Variants in DOCK3 observed in about 807,000 individuals in gnomAD.
The protein encoded by DOCK3 is dedicator of cytokinesis protein 3.
In DOCK3, 60 loss-of-function variants were observed where a neutral mutation model predicts 265.6. The ratio of observed to expected loss-of-function variants is 0.23; its 90% CI spans 0.18 to 0.28. The LOEUF is 0.28. DOCK3 is among the 10% of genes least tolerant of loss of function. The pLI is 1.00. For missense variants in DOCK3, 1,981 were observed against 2,594.3 expected (o/e 0.76, Z 5.14); for synonymous variants, 881 against 938.0 (o/e 0.94, Z 1.11).
chr3:51,146,685 T>C, intron 10 of DOCK3, 55 bp downstream of exon 10: 2 of 1,491,232 alleles, frequency 1.3e-6, no homozygotes, highest in South Asian at 2.4e-5. Context: ...AGTGGCCTGC[T>C]ATGTGGATAC....
At chr3:50,911,492 C>G (rs2049849949) in intron 4 of DOCK3, among the ~76,000 whole-genome samples, 1 of 152,040 alleles carries the variant, frequency 6.6e-6, no homozygotes, top group Admixed American at 6.6e-5. Flanking sequence ...TTTTTGTTCT[C>G]TATTCTGTTT....
intron 9 of DOCK3, among the ~76,000 whole-genome samples, chr3:51,131,913 C>T (rs1213554954): frequency 6.6e-6 from 1 of 152,204 alleles, no homozygotes; most frequent in Non-Finnish European, 1.5e-5. Context: ...TATAGGCCAT[C>T]TTCAAAATGC....
At chr3:51,169,765 G>A (rs937893333) in intron 12 of DOCK3, among the ~76,000 whole-genome samples, 10 of 151,756 alleles carry the variant, frequency 6.6e-5, no homozygotes, top group African/African-American at 2.4e-4. Context: ...AAAAGAAATG[G>A]TCATATTATT....
intron 19 of DOCK3, among the ~76,000 whole-genome samples, chr3:51,230,173 C>T (rs2090486332): frequency 1.3e-5 from 2 of 152,096 alleles, no homozygotes; most frequent in African/African-American, 2.4e-5. Context: ...AGGTTTGTTA[C>T]GTAGATGCAT....
chr3:50,711,508 C>A (rs1400707178), intron 1 of DOCK3, among the ~76,000 whole-genome samples: 1 of 152,118 alleles, frequency 6.6e-6, no homozygotes, highest in African/African-American at 2.4e-5. Context: ...GTGATCCACC[C>A]TCCTTAGCCT....
chr3:50,732,123 C>T (rs2038254990), intron 1 of DOCK3, among the ~76,000 whole-genome samples: 1 of 151,840 alleles, frequency 6.6e-6, no homozygotes, highest in Non-Finnish European at 1.5e-5. Context: ...GCCATATCCT[C>T]AGCAAACTAA....
At chr3:51,187,109 C>T (rs2087654231) in intron 12 of DOCK3, among the ~76,000 whole-genome samples, 3 of 152,184 alleles carry the variant, frequency 2.0e-5, no homozygotes, top group African/African-American at 7.2e-5. Context: ...ATGCTCAACA[C>T]CAGCCTGTGA....
chr3:50,717,075 G>T (rs1159586710), intron 1 of DOCK3, among the ~76,000 whole-genome samples: 1 of 152,124 alleles, frequency 6.6e-6, no homozygotes, highest in Non-Finnish European at 1.5e-5. Context: ...AGTCCATAGG[G>T]AGAGTCCTTA....
chr3:50,716,323 C>T (rs187333363), intron 1 of DOCK3, among the ~76,000 whole-genome samples: 10 of 152,022 alleles, frequency 6.6e-5, no homozygotes, highest in Admixed American at 3.9e-4. Context: ...GTCAGGAGAT[C>T]GAGACCATCC....
At chr3:51,287,294 T>C (rs954095554) in intron 27 of DOCK3, among the ~76,000 whole-genome samples, 4 of 151,880 alleles carry the variant, frequency 2.6e-5, no homozygotes, top group Admixed American at 1.3e-4. Context: ...GTTATTAAAG[T>C]CAAAAAAATA....
At chr3:51,021,361 A>T (rs2079583148) in intron 5 of DOCK3, among the ~76,000 whole-genome samples, 1 of 152,198 alleles carries the variant, frequency 6.6e-6, no homozygotes, top group African/African-American at 2.4e-5. Context: ...TACAAAGGGA[A>T]ACCCCATCAG....
intron 4 of DOCK3, among the ~76,000 whole-genome samples, chr3:50,901,963 C>G (rs2049226924): frequency 6.6e-6 from 1 of 152,176 alleles, no homozygotes; most frequent in Non-Finnish European, 1.5e-5. Flanking sequence ...TCTTGATTCT[C>G]TCTCTCCCAC....
intron 5 of DOCK3, among the ~76,000 whole-genome samples, chr3:51,024,936 A>G (rs2079751299): frequency 6.6e-6 from 1 of 152,182 alleles, no homozygotes; most frequent in Non-Finnish European, 1.5e-5. Flanking sequence ...GAGGTCATGC[A>G]GCTGTTTTCT....
chr3:50,886,828 AC>A (rs1447179064), intron 3 of DOCK3, among the ~76,000 whole-genome samples: 2 of 152,206 alleles, frequency 1.3e-5, no homozygotes, highest in Non-Finnish European at 2.9e-5. Context: ...GAACAAAGAC[AC>A]AACATACCAG....
At chr3:50,972,494 C>T (rs1360956841) in intron 5 of DOCK3, among the ~76,000 whole-genome samples, 1 of 152,240 alleles carries the variant, frequency 6.6e-6, no homozygotes, top group Non-Finnish European at 1.5e-5. Context: ...CACAGATGGG[C>T]AGCTCTAAGG....
chr3:50,915,029 G>A (rs34640865), intron 4 of DOCK3, among the ~76,000 whole-genome samples: 14,367 of 152,064 alleles, frequency 0.094, 849 homozygotes, highest in Non-Finnish European at 0.12. Context: ...TGGCAGAGTT[G>A]GATATAGATT....
intron 9 of DOCK3, among the ~76,000 whole-genome samples, chr3:51,090,798 A>ATG (rs1274928429): frequency 6.6e-6 from 1 of 152,158 alleles, no homozygotes; most frequent in Non-Finnish European, 1.5e-5. Flanking sequence ...AAGGGGGCTG[A>ATG]TGGTGTCTTG....
At chr3:50,721,175 T>C (rs1463798086) in intron 1 of DOCK3, among the ~76,000 whole-genome samples, 4 of 152,212 alleles carry the variant, frequency 2.6e-5, no homozygotes, top group South Asian at 2.1e-4. Flanking sequence ...ATAGTTTCTT[T>C]TTCTGTGCAG....
At chr3:51,229,841 A>G (rs2090472634) in intron 19 of DOCK3, among the ~76,000 whole-genome samples, 1 of 152,216 alleles carries the variant, frequency 6.6e-6, no homozygotes, top group South Asian at 2.1e-4. Flanking sequence ...ATGATGTTTT[A>G]ACAGTGCAGA....
Sources: gnomAD v4.1 joint callset for allele counts (sites outside exome capture counted in the v4.1 genomes callset) on GRCh38, gnomAD v4.1.1 for gene constraint, MANE v1.5 for transcripts, NCBI Gene and HGNC (gene_info 2026-07-23, HGNC 2026-07-21) for gene names.